Variants in UPF3B observed in about 807,000 individuals in gnomAD.
The protein encoded by UPF3B is UPF3B regulator of nonsense mediated mRNA decay, also known as regulator of nonsense transcripts 3B.
In UPF3B, 7 loss-of-function variants were observed where a neutral mutation model predicts 40.3. The ratio of observed to expected loss-of-function variants is 0.17; its 90% CI spans 0.10 to 0.33. UPF3B has a LOEUF of 0.33. Among genes scored for constraint, UPF3B ranks in the 10% least tolerant of loss-of-function variants. UPF3B has a pLI of 1.00. For synonymous variants in UPF3B, 117 were observed against 117.3 expected (o/e 1.00, Z 0.01); for missense variants, 229 against 358.9 (o/e 0.64, Z 2.93).
chrX:119,841,937 C>T (rs770606121), intron 5 of UPF3B, among the ~76,000 whole-genome samples, 159 bp from the exon 6 acceptor site: 8 of 111,807 alleles, frequency 7.2e-5, no homozygotes, highest in East Asian at 5.6e-4. Flanking sequence ...TTACAGCATT[C>T]GATTTCAACA....
chrX:119,806,971 G>C (rs923150595), intron 6 of UPF3B, among the ~76,000 whole-genome samples: 83 of 94,184 alleles, frequency 8.8e-4, no homozygotes, highest in African/African-American at 3.3e-3. Context: ...GGAGGTTGCA[G>C]TGAACCGACA....
At chrX:119,842,597 C>CACAT (rs1556379985) in intron 5 of UPF3B, among the ~76,000 whole-genome samples, 83 of 57,032 alleles carry the variant, frequency 1.5e-3, no homozygotes, top group African/African-American at 5.2e-3. Flanking sequence ...CACACACACA[C>CACAT]ACACACATAC....
chrX:119,815,984 G>A (rs770718126), intron 4 of UPF3B, among the ~76,000 whole-genome samples: 1 of 111,412 alleles, frequency 9.0e-6, no homozygotes, highest in Admixed American at 9.7e-5. Context: ...GTTTCACCAC[G>A]TAGGCCAGGT....
Position 119,852,869 on chromosome X carries a change from G to A in UPF3B, c.60C>T (p.Ala20=). 3.3e-6 allele frequency: 4 copies of A among 1,212,233 alleles called. No homozygotes were observed. Among genetic ancestry groups the A allele is most frequent in the Non-Finnish European group, 4.5e-6 (4 of 895,565 alleles). ...TCCCACCACCGCTGCCTGTGGCCCC[G>A]GCGGGGGTTAACAGGGTTACTCGCT... The part of the protein sequence containing the change: ...KEKRVTLLTP[A]GATGSGGGTS... Residue 20 remains alanine, a synonymous_variant, in exon 1 of 11, where the codon GCC becomes GCT. Transcript: ENST00000276201.
In UPF3B at chrX:119,811,692, C is replaced by T. The variant is rs188945318; in HGVS notation, c.602+3508G>A. Among the ~76,000 whole-genome samples, 5 of 110,134 alleles carry T rather than the reference C, an allele frequency of 4.5e-5. No homozygotes were observed. In the East Asian group the frequency reaches 1.4e-3, roughly 31 times the overall value. Reference sequence around the variant, plus strand: ...TCAGGCTGGACACGGTGGCTCATACCTGTAATCCCAGCACTTTGCGAGGCT... The same window carrying T: ...TCAGGCTGGACACGGTGGCTCATACTTGTAATCCCAGCACTTTGCGAGGCT... On this transcript the variant is annotated intron_variant, in intron 5 of 6. Coordinates refer to the UPF3B transcript ENST00000636792.
At chrX:119,845,367 C>A (rs1044971888) in intron 3 of UPF3B, 71 bp from the exon 4 acceptor site, 3 of 901,987 alleles carry the variant, frequency 3.3e-6, no homozygotes, top group Non-Finnish European at 4.8e-6. Flanking sequence ...GGGAATCAAC[C>A]CATTGCTTTC....
intron 10 of UPF3B, among the ~76,000 whole-genome samples, chrX:119,835,242 A>C (rs2056079466): frequency 9.0e-6 from 1 of 111,525 alleles, no homozygotes; most frequent in African/African-American, 3.3e-5. Context: ...TGCTTGGGTA[A>C]ATTTTTTTTT....
chrX:119,818,753 C>T (rs1005925989), intron 4 of UPF3B, among the ~76,000 whole-genome samples: 3 of 112,048 alleles, frequency 2.7e-5, no homozygotes, highest in East Asian at 2.8e-4. Flanking sequence ...AGATCTATTA[C>T]GTTGCTGCAT....
chrX:119,813,372 G>A (rs926663275), intron 5 of UPF3B, among the ~76,000 whole-genome samples: 1 of 109,106 alleles, frequency 9.2e-6, no homozygotes, highest in African/African-American at 3.3e-5. Context: ...GCTGGTTGTT[G>A]TAAAGTGTGG....
chrX:119,809,917 A>G (rs1051669697), intron 5 of UPF3B, among the ~76,000 whole-genome samples: 1 of 111,912 alleles, frequency 8.9e-6, no homozygotes, highest in African/African-American at 3.2e-5. Flanking sequence ...GAAGAATGGT[A>G]AAATCACTGA....
At chrX:119,808,562 C>T (rs941958712) in intron 5 of UPF3B, among the ~76,000 whole-genome samples, 2 of 100,274 alleles carry the variant, frequency 2.0e-5, no homozygotes, top group African/African-American at 7.3e-5. Flanking sequence ...ACCCCAGGGC[C>T]GGGCACACAG....
At chrX:119,813,436 T>C (rs952925111) in intron 5 of UPF3B, among the ~76,000 whole-genome samples, 5 of 111,296 alleles carry the variant, frequency 4.5e-5, no homozygotes, top group African/African-American at 1.6e-4. Context: ...AGATGGCTGC[T>C]CCTGCTTTAC....
intron 5 of UPF3B, among the ~76,000 whole-genome samples, chrX:119,842,629 C>CACACACAG (rs202167619): frequency 1.5e-3 from 157 of 107,222 alleles, no homozygotes; most frequent in East Asian, 8.9e-3. Flanking sequence ...CACACACACA[C>CACACACAG]AGAGAGAGAG....
downstream of UPF3B, among the ~76,000 whole-genome samples, chrX:119,831,989 A>C: frequency 9.2e-6 from 1 of 108,145 alleles, no homozygotes; most frequent in South Asian, 3.7e-4. Flanking sequence ...CTTTTACAGG[A>C]TCTGTGTCAC....
intron 8 of UPF3B, 117 bp from the exon 9 acceptor site, chrX:119,838,644 T>G: frequency 1.4e-6 from 1 of 711,924 alleles, no homozygotes; most frequent in Middle Eastern, 4.8e-4. Flanking sequence ...TCTCTGCAGG[T>G]ACACTTAATC....
chrX:119,806,933 G>C (rs1362489837), intron 6 of UPF3B, among the ~76,000 whole-genome samples: 1 of 104,619 alleles, frequency 9.6e-6, no homozygotes, highest in Admixed American at 1.1e-4. Context: ...GGAGGCTGAG[G>C]CAGGAGAATC....
chrX:119,842,443 C>T (rs770497260), intron 5 of UPF3B, among the ~76,000 whole-genome samples: 8 of 109,683 alleles, frequency 7.3e-5, no homozygotes, highest in East Asian at 2.9e-4. Context: ...ATTGGCCGGG[C>T]GTGGTGGCGG....
intron 6 of UPF3B, among the ~76,000 whole-genome samples, chrX:119,806,075 A>C (rs1374826389): frequency 4.0e-5 from 3 of 75,422 alleles, no homozygotes; most frequent in African/African-American, 1.5e-4. Flanking sequence ...AAAGACTTGG[A>C]ACCAACCCAA....
At chrX:119,811,071 C>T (rs2055824645) in intron 5 of UPF3B, among the ~76,000 whole-genome samples, 1 of 107,786 alleles carries the variant, frequency 9.3e-6, no homozygotes, top group Non-Finnish European at 1.9e-5. Flanking sequence ...CAGAGTCTGG[C>T]TCTGTCACCC....
Sources: gnomAD v4.1 joint callset for allele counts (sites outside exome capture counted in the v4.1 genomes callset) on GRCh38, gnomAD v4.1.1 for gene constraint, MANE v1.5 for transcripts, NCBI Gene and HGNC (gene_info 2026-07-23, HGNC 2026-07-21) for gene names.